Variants in ZC3H18 observed in about 807,000 individuals in gnomAD.
The protein encoded by ZC3H18 is zinc finger CCCH domain-containing protein 18.
ZC3H18 carries 8 observed loss-of-function variants against 106.1 expected under a neutral mutation model. That is an observed-to-expected ratio of 0.08 (90% confidence interval 0.04 to 0.14). ZC3H18 has a LOEUF of 0.14. Ranked by LOEUF, ZC3H18 falls within the 10% of genes least tolerant of loss-of-function variation. The probability of loss-of-function intolerance (pLI) is 1.00; values close to 1 mark genes in which losing one functional copy is unlikely to be tolerated. For synonymous variants in ZC3H18, 635 were observed against 522.1 expected (o/e 1.22, Z -2.95); for missense variants, 1,318 against 1,278.4 (o/e 1.03, Z -0.47).
rs1316176063 is a variant in ZC3H18 at position 88,611,440 on chromosome 16, G to GGGACGAGAA, written c.1384_1392dup (p.Glu462_Asp464dup). On this transcript the variant is annotated inframe_insertion, in exon 8 of 18. Coordinates refer to ENST00000301011, the MANE Select transcript of ZC3H18 (RefSeq NM_144604.4). Reference sequence around the variant, plus strand: ...GAGTGGGAGCGTGAGCGAGCCAAGCGGGACGAGAAGGACCGGCAGCACCGT... The same window carrying GGGACGAGAA: ...GAGTGGGAGCGTGAGCGAGCCAAGCGGGACGAGAAGGACGAGAAGGACCGGCAGCACCGT... 6.6e-7 allele frequency: 1 copy of GGGACGAGAA among 1,507,868 alleles called. No individual in the cohort carries two copies. The highest frequency in any genetic ancestry group is 1.4e-5 in the African/African-American group (1 of 72,264). 93.4% of individuals were successfully genotyped at this position (1,507,868 alleles called of 1,614,324 possible). A position where few individuals can be genotyped will look rare whatever the true frequency, so the allele number is the denominator to read the frequency against.
In ZC3H18 at chr16:88,623,033, TG is replaced by T; in HGVS notation, c.1668-185del. On this transcript the variant is annotated intron_variant, in intron 9 of 17. Coordinates refer to ENST00000301011, the MANE Select transcript of ZC3H18 (RefSeq NM_144604.4). ...GTTCTGCACCAAGGAGGGATGGCAC[TG>T]AAGAGTGTCTGGGGGAGGCTGTATG... The T allele has an allele frequency of 4.1e-5, 32 of 775,310 alleles. No individual in the cohort carries two copies. The South Asian group carries it at 5.7e-4, about 14-fold the overall frequency. 48.0% of individuals were successfully genotyped at this position (775,310 alleles called of 1,614,324 possible).
At chr16:88,583,195 CTTG>C (rs1242444877) in intron 2 of ZC3H18, among the ~76,000 whole-genome samples, 2 of 152,174 alleles carry the variant, frequency 1.3e-5, no homozygotes, top group African/African-American at 4.8e-5. Context: ...TAACTTTTTT[CTTG>C]TTGTGTAAGT....
At chr16:88,586,956 G>T (rs548586130) in intron 3 of ZC3H18, among the ~76,000 whole-genome samples, 1 of 152,184 alleles carries the variant, frequency 6.6e-6, no homozygotes, top group Non-Finnish European at 1.5e-5. Flanking sequence ...AGGCCCTTCC[G>T]ATCGCAGCAG....
At chr16:88,595,278 G>T (rs1482699169) in intron 3 of ZC3H18, among the ~76,000 whole-genome samples, 1 of 152,046 alleles carries the variant, frequency 6.6e-6, no homozygotes, top group Non-Finnish European at 1.5e-5. Flanking sequence ...TGGAGGGGCC[G>T]CCTCCGCCCC....
At chr16:88,629,767 C>T (rs2142842281) in intron 16 of ZC3H18, among the ~76,000 whole-genome samples, 1 of 152,340 alleles carries the variant, frequency 6.6e-6, no homozygotes, top group East Asian at 1.9e-4. Flanking sequence ...GGAGATTGTC[C>T]TGGCTGGCTT....
intron 2 of ZC3H18, among the ~76,000 whole-genome samples, chr16:88,582,482 G>A (rs1388756908): frequency 6.6e-6 from 1 of 151,974 alleles, no homozygotes; most frequent in African/African-American, 2.4e-5. Context: ...TTTTATGTCT[G>A]GATCCATGAG....
intron 6 of ZC3H18, among the ~76,000 whole-genome samples, chr16:88,604,376 A>G (rs1904907218): frequency 6.8e-6 from 1 of 147,256 alleles, no homozygotes. Context: ...AAGTTCTCAC[A>G]TATGTAAGAC....
intron 8 of ZC3H18, among the ~76,000 whole-genome samples, chr16:88,616,732 C>G (rs1237330333): frequency 6.6e-6 from 1 of 152,104 alleles, no homozygotes; most frequent in East Asian, 1.9e-4. Flanking sequence ...GAACTTTTCT[C>G]ACCTAAACTG....
chr16:88,594,840 C>T (rs1365229682), intron 3 of ZC3H18, among the ~76,000 whole-genome samples: 2 of 152,040 alleles, frequency 1.3e-5, no homozygotes, highest in African/African-American at 4.8e-5. Flanking sequence ...TTTACACAAG[C>T]GTAAAGATTA....
rs753545134 is a variant in ZC3H18 at position 88,577,561 on chromosome 16, G to A, written c.438G>A (p.Glu146=). 2.5e-6 allele frequency: 4 copies of A among 1,613,630 alleles called. No individual in the cohort carries two copies. The highest frequency in any genetic ancestry group is 1.1e-5 in the South Asian group (1 of 91,070). Reference sequence around the variant, plus strand: ...CAGCTCCCGCCGTCCAGGAGGACGAGGCTGAGAAAGCGGGGGCTGAGGATG... The same window carrying A: ...CAGCTCCCGCCGTCCAGGAGGACGAAGCTGAGAAAGCGGGGGCTGAGGATG... ...EEPAPAVQED[E]AEKAGAEDDE... The change falls in exon 2 of 18, where the codon GAG becomes GAA. Residue 146 remains glutamate (E), a synonymous_variant. Transcript: ENST00000301011.
At position 88,606,812 on chromosome 16, in the gene ZC3H18, T is replaced by A. The variant is rs567119814; in HGVS notation, c.1089-2122T>A. 2.0e-5 allele frequency among the ~76,000 whole-genome samples: 3 copies of A among 152,336 alleles called. No homozygotes were observed. The East Asian group carries it at 5.8e-4, about 29-fold the overall frequency. On this transcript the variant is annotated intron_variant, in intron 6 of 17. Coordinates refer to ENST00000301011, the MANE Select transcript of ZC3H18 (RefSeq NM_144604.4). ...CTGATGGGAACGGACTGAAGCTGTG[T>A]CCTTTGGGAGAGCCAGTTCTAGGCC...
intron 17 of ZC3H18, among the ~76,000 whole-genome samples, 163 bp from the exon 18 acceptor site, chr16:88,630,938 G>C (rs1231095160): frequency 6.6e-6 from 1 of 152,226 alleles, no homozygotes; most frequent in South Asian, 2.1e-4. Context: ...CAGTGGCTAG[G>C]ACCAGGCCTG....
chr16:88,612,765 G>A (rs760489581), intron 8 of ZC3H18, among the ~76,000 whole-genome samples: 9 of 152,056 alleles, frequency 5.9e-5, no homozygotes, highest in South Asian at 4.1e-4. Context: ...ACTTTGGGCG[G>A]CCGGGATGGA....
At position 88,586,090 on chromosome 16, in the gene ZC3H18, C is replaced by T. The variant is rs569984595; in HGVS notation, c.604-510C>T. ...CCCAGCTTAGAGCTCCTGGGTTGTT[C>T]TAAGACTTGACAGTCAGGGTGAGGA... On this transcript the variant is annotated intron_variant, in intron 2 of 17. Coordinates refer to ENST00000301011, the MANE Select transcript of ZC3H18 (RefSeq NM_144604.4). Among the ~76,000 whole-genome samples, 185 of 152,218 alleles carry T rather than the reference C, an allele frequency of 1.2e-3. No homozygotes were observed. In the Middle Eastern group the frequency reaches 0.014, roughly 11 times the overall value.
At chr16:88,609,201 A>T (rs1192121241) in intron 7 of ZC3H18, 150 bp downstream of exon 7, 1 of 518,846 alleles carries the variant, frequency 1.9e-6, no homozygotes, top group Non-Finnish European at 3.2e-6. Context: ...ATTGTTACGG[A>T]GAACGAATTC....
At chr16:88,600,243 G>T (rs1323082492) in intron 6 of ZC3H18, among the ~76,000 whole-genome samples, 1 of 152,164 alleles carries the variant, frequency 6.6e-6, no homozygotes, top group Non-Finnish European at 1.5e-5. Context: ...GGCCTCTAGA[G>T]CCCCACAAGT....
rs1914848614 is a variant in ZC3H18 at position 88,577,651 on chromosome 16, A to G, written c.528A>G (p.Glu176=). Residue 176 remains glutamate (E), a synonymous_variant, in exon 2 of 18, where the codon GAA becomes GAG. Coordinates refer to ENST00000301011, the MANE Select transcript of ZC3H18 (RefSeq NM_144604.4). ...EGKAGVQSVG[E]KESLEAAKEK... ...AGGCTGGTGTTCAGAGTGTGGGAGA[A>G]AAGGAATCCCTGGAGGCTGCCAAGG... is the stretch of plus-strand genomic sequence containing the variant. The G allele has an allele frequency of 6.2e-7, 1 of 1,613,968 alleles. No homozygotes were observed. Among genetic ancestry groups the G allele is most frequent in the Non-Finnish European group, 8.5e-7 (1 of 1,180,042 alleles).
At chr16:88,624,318 GTTC>G in intron 11 of ZC3H18, 1 of 654,332 alleles carries the variant, frequency 1.5e-6, no homozygotes, top group Non-Finnish European at 2.6e-6. Flanking sequence ...GCAGCCGGGT[GTTC>G]TTAAGGGGTC....
In ZC3H18 at chr16:88,611,643, G is replaced by T; in HGVS notation, c.1475+107G>T. On this transcript the variant is annotated intron_variant, in intron 8 of 17. Coordinates refer to ENST00000301011, the MANE Select transcript of ZC3H18 (RefSeq NM_144604.4). ...CCCCTCTGTGGCCCACAGCTCTGGA[G>T]CCCAGGGGACCAGTGCAGGCCCACA... The T allele has an allele frequency of 4.1e-6, 6 of 1,448,802 alleles. No individual in the cohort carries two copies. The South Asian group carries it at 8.6e-5, about 21-fold the overall frequency. The allele number at this position is 1,448,802 out of a possible 1,614,324, so 89.7% of individuals were successfully genotyped here.
Sources: allele counts gnomAD v4.1 joint callset (sites outside exome capture counted in the v4.1 genomes callset), GRCh38; gene constraint gnomAD v4.1.1; transcripts MANE v1.5; gene names NCBI Gene and HGNC (gene_info 2026-07-23, HGNC 2026-07-21).